Variants in ANO4 observed in about 807,000 individuals in gnomAD.
The protein encoded by ANO4 is anoctamin 4.
A neutral mutation model predicts 141.9 loss-of-function variants in ANO4; 69 were observed. That is an observed-to-expected ratio of 0.49 (90% CI 0.40 to 0.59). The LOEUF is 0.59. Ranked by LOEUF, ANO4 falls within the 20% of genes least tolerant of loss-of-function variation. The pLI, the probability that ANO4 is intolerant of heterozygous loss-of-function variation, is 0.00. For missense variants in ANO4, 894 were observed against 1,162.2 expected (o/e 0.77, Z 3.36); for synonymous variants, 350 against 394.3 (o/e 0.89, Z 1.33).
intron 1 of ANO4, among the ~76,000 whole-genome samples, chr12:100,800,770 TG>T (rs1260348014): frequency 2.6e-5 from 4 of 152,206 alleles, no homozygotes; most frequent in African/African-American, 9.7e-5. Context: ...TCCTTTGCCT[TG>T]CATATCAGGC....
intron 3 of ANO4, among the ~76,000 whole-genome samples, chr12:100,761,598 T>C (rs1236760270): frequency 6.6e-6 from 1 of 152,160 alleles, no homozygotes; most frequent in African/African-American, 2.4e-5. Context: ...TTATTGGCCG[T>C]GTAGGTACCT....
intron 8 of ANO4, among the ~76,000 whole-genome samples, chr12:101,001,321 C>A (rs1387799184): frequency 1.3e-5 from 2 of 152,110 alleles, no homozygotes; most frequent in East Asian, 1.9e-4. Context: ...TGAGAGGAGA[C>A]AAGGAAGAGC....
chr12:100,863,971 G>A (rs1514788), intron 1 of ANO4, among the ~76,000 whole-genome samples: 29,303 of 152,124 alleles, frequency 0.19, 3,354 homozygotes, highest in Middle Eastern at 0.35. Context: ...GATCCAGGGA[G>A]CTCGAACAGT....
intron 7 of ANO4, among the ~76,000 whole-genome samples, chr12:100,986,714 T>A (rs950547855): frequency 2.0e-5 from 3 of 152,182 alleles, no homozygotes; most frequent in Non-Finnish European, 4.4e-5. Context: ...CTTGAGGTAG[T>A]GCTATCATTT....
intron 1 of ANO4, among the ~76,000 whole-genome samples, chr12:100,804,386 A>C (rs945910785): frequency 1.3e-5 from 2 of 152,156 alleles, no homozygotes; most frequent in Admixed American, 1.3e-4. Context: ...TGTCTTTGCT[A>C]TTGTGAACAG....
chr12:100,951,324 C>A (rs964756174), intron 5 of ANO4, among the ~76,000 whole-genome samples: 1 of 152,148 alleles, frequency 6.6e-6, no homozygotes, highest in Non-Finnish European at 1.5e-5. Flanking sequence ...CCAGCAATCC[C>A]ATTACTGTGT....
At chr12:100,770,506 G>A (rs7957624) in intron 3 of ANO4, among the ~76,000 whole-genome samples, 80,650 of 152,032 alleles carry the variant, frequency 0.53, 21,848 homozygotes, top group African/African-American at 0.61. Flanking sequence ...AGCTGAAAAC[G>A]TAGAAGTTCA....
chr12:100,951,940 C>T (rs1431371666), intron 5 of ANO4, among the ~76,000 whole-genome samples: 1 of 152,202 alleles, frequency 6.6e-6, no homozygotes, highest in African/African-American at 2.4e-5. Context: ...GTAGCACCTC[C>T]TTCAAGTAAT....
At position 101,126,939 on chromosome 12, in the gene ANO4, C is replaced by G; in HGVS notation, c.2737C>G (p.Leu913Val). ...SYLIPDLPKD[L>V]RDRMRREKYL... The stretch of plus-strand genomic sequence containing the variant: ...TCTGATCCCAGACCTCCCAAAAGAC[C>G]TAAGGGATCGAATGAGAAGAGAGAA... The change falls in exon 27 of 28, where the codon CTA (leucine) becomes GTA (valine). Residue 913 changes from leucine (L) to valine (V), a missense_variant. Physicochemically the swap from Leu to Val is conservative, Grantham distance 32 (BLOSUM62 1). Coordinates refer to ENST00000392977, the MANE Select transcript of ANO4 (RefSeq NM_001286615.2). 1 of 1,614,082 alleles carries G rather than the reference C, an allele frequency of 6.2e-7. No individual in the cohort carries two copies. The highest frequency in any genetic ancestry group is 8.5e-7 in the Non-Finnish European group (1 of 1,180,000).
chr12:101,095,082 C>T (rs976020849), intron 18 of ANO4, among the ~76,000 whole-genome samples: 4 of 152,132 alleles, frequency 2.6e-5, no homozygotes, highest in Admixed American at 2.0e-4. Context: ...ATTACATGCT[C>T]CCGTCCACAA....
intron 1 of ANO4, among the ~76,000 whole-genome samples, chr12:100,840,134 A>ATAATAC (rs2037161803): frequency 6.6e-6 from 1 of 151,690 alleles, no homozygotes; most frequent in Non-Finnish European, 1.5e-5. Flanking sequence ...AATAATAATA[A>ATAATAC]TAATAATAAC....
intron 1 of ANO4, among the ~76,000 whole-genome samples, chr12:100,727,082 G>A (rs1371342348): frequency 1.3e-5 from 2 of 150,632 alleles, no homozygotes; most frequent in African/African-American, 4.9e-5. Flanking sequence ...TTTGCTTTAT[G>A]GTCTAAAGTA....
chr12:101,122,844 T>C (rs1457667024), intron 26 of ANO4, among the ~76,000 whole-genome samples: 1 of 152,226 alleles, frequency 6.6e-6, no homozygotes, highest in Non-Finnish European at 1.5e-5. Flanking sequence ...GTATTTCTGG[T>C]TGTGTATCAT....
At chr12:101,012,100 T>C (rs1198469726) in intron 8 of ANO4, among the ~76,000 whole-genome samples, 1 of 152,128 alleles carries the variant, frequency 6.6e-6, no homozygotes, top group Non-Finnish European at 1.5e-5. Context: ...CAAAAAAAGT[T>C]AAAATTTATC....
chr12:100,921,619 TA>T (rs1448262548), intron 2 of ANO4, among the ~76,000 whole-genome samples: 1 of 152,134 alleles, frequency 6.6e-6, no homozygotes, highest in African/African-American at 2.4e-5. Context: ...TGGAGCAGCA[TA>T]AAAACTTTCT....
In ANO4 at chr12:100,939,464, G is replaced by T. The variant is rs2042419030; in HGVS notation, c.297+13G>T. On this transcript the variant is annotated intron_variant, in intron 4 of 27. Transcript: ENST00000392977. ...AGCCGGGGGAGAGGTAAGAGTATAT[G>T]ATTTCTTACAAATGTAATTCGTGAT... The T allele has an allele frequency of 6.2e-7, 1 of 1,610,568 alleles. No individual in the cohort carries two copies. The highest frequency in any genetic ancestry group is 1.3e-5 in the African/African-American group (1 of 74,800).
intron 15 of ANO4, among the ~76,000 whole-genome samples, chr12:101,080,883 T>TATATATATATATATTATA (rs1491584060): frequency 2.7e-5 from 2 of 74,066 alleles, no homozygotes; most frequent in African/African-American, 7.8e-5. Flanking sequence ...TATATATATA[T>TATATATATATATATTATA]TATATATATA....
At chr12:100,777,051 C>G (rs947010982) in intron 3 of ANO4, among the ~76,000 whole-genome samples, 23 of 151,004 alleles carry the variant, frequency 1.5e-4, no homozygotes, top group Middle Eastern at 3.5e-3. Context: ...TGAAGAAAAG[C>G]AATTTAGTGA....
chr12:100,987,993 C>T (rs2044797386), intron 8 of ANO4, among the ~76,000 whole-genome samples: 1 of 152,148 alleles, frequency 6.6e-6, no homozygotes, highest in African/African-American at 2.4e-5. Flanking sequence ...CACGGAGCCC[C>T]CTGCAGGCTC....
Sources: gnomAD v4.1 joint callset for allele counts (sites outside exome capture counted in the v4.1 genomes callset) on GRCh38, gnomAD v4.1.1 for gene constraint, MANE v1.5 for transcripts, NCBI Gene and HGNC (gene_info 2026-07-23, HGNC 2026-07-21) for gene names.